Variants in MRPS14 observed in about 807,000 individuals in gnomAD.
MRPS14 encodes small ribosomal subunit protein uS14m.
A neutral mutation model predicts 16.4 loss-of-function variants in MRPS14; 14 were observed. The ratio of observed to expected loss-of-function variants is 0.85; its 90% CI spans 0.56 to 1.33. The LOEUF is 1.33. Among genes scored for constraint, MRPS14 ranks in the 40% most tolerant of loss-of-function variants. The probability of loss-of-function intolerance (pLI) is 0.00; values close to 1 mark genes in which losing one functional copy is unlikely to be tolerated. For missense variants in MRPS14, 162 were observed against 176.8 expected (o/e 0.92, Z 0.48); for synonymous variants, 54 against 61.9 (o/e 0.87, Z 0.60).
intron 1 of MRPS14, among the ~76,000 whole-genome samples, chr1:175,019,163 C>G (rs1171667706): frequency 2.0e-5 from 3 of 152,124 alleles, no homozygotes; most frequent in African/African-American, 7.2e-5. Flanking sequence ...CATAATTTAA[C>G]CTGCCACGTA....
intron 2 of MRPS14, among the ~76,000 whole-genome samples, chr1:175,015,885 GAACT>G (rs1416296460): frequency 2.0e-5 from 3 of 152,146 alleles, no homozygotes; most frequent in African/African-American, 7.2e-5. Flanking sequence ...TTACCATTAT[GAACT>G]AACAGAATTA....
chr1:175,021,202 C>G (rs933606238), intron 1 of MRPS14, among the ~76,000 whole-genome samples: 5 of 152,132 alleles, frequency 3.3e-5, no homozygotes, highest in African/African-American at 9.7e-5. Flanking sequence ...GGGCTTACTA[C>G]CTTCCACTCC....
Position 175,013,204 on chromosome 1 carries a change from T to G in MRPS14, c.*1465A>C, listed in dbSNP as rs1672812479. 6.6e-6 allele frequency: 1 copy of G among 152,192 alleles called. No individual in the cohort carries two copies. Among genetic ancestry groups the G allele is most frequent in the Non-Finnish European group, 1.5e-5 (1 of 68,036 alleles). The allele number at this position is 152,192 out of a possible 1,614,324, so 9.4% of individuals were successfully genotyped here. ...GTGATAATTCCCTCATAACTTCACC[T>G]CCACCTGAGTTTCGGACTCTGCTAT... On this transcript the variant is annotated 3_prime_UTR_variant, in exon 3 of 3. Transcript: ENST00000476371.
rs990763738 is a variant in MRPS14, at chr1:175,014,734, G to A, written c.322C>T (p.Arg108Cys). The A allele has an allele frequency of 1.2e-6, 2 of 1,613,940 alleles. No individual in the cohort carries two copies. Among genetic ancestry groups the A allele is most frequent in the Non-Finnish European group, 1.7e-6 (2 of 1,180,018 alleles). Residue 108 changes from arginine (R) to cysteine (C), a missense_variant, in exon 3 of 3, where the codon CGT becomes TGT. Physicochemically the swap from Arg to Cys is radical, Grantham distance 180 (BLOSUM62 -3). Transcript: ENST00000476371. Reference sequence around the variant, plus strand: ...TCAGCTAAGTGACGGAAGACTATACGACTAAGCCTCCAGCGCCGCTTCACA... The same window carrying A: ...TCAGCTAAGTGACGGAAGACTATACAACTAAGCCTCCAGCGCCGCTTCACA... ...RGVKRRWRLS[R>C]IVFRHLADHG...
intron 2 of MRPS14, among the ~76,000 whole-genome samples, chr1:175,016,208 C>CA (rs903007703): frequency 3.4e-4 from 48 of 142,786 alleles, no homozygotes; most frequent in East Asian, 8.1e-4. Flanking sequence ...AAAAAAAAAA[C>CA]AAAAAAAAAC....
rs768620240 is a variant in MRPS14, at chr1:175,014,706, T to C, written c.350A>G (p.His117Arg). The C allele has an allele frequency of 7.4e-6, 12 of 1,613,234 alleles. No individual in the cohort carries two copies. Among genetic ancestry groups the C allele is most frequent in the African/African-American group, 1.3e-5 (1 of 74,852 alleles). Residue 117 changes from histidine to arginine, a missense_variant, in exon 3 of 3, where the codon CAT (histidine) becomes CGT (arginine). His to Arg is a conservative substitution (Grantham distance 29). Coordinates refer to ENST00000476371, the MANE Select transcript of MRPS14 (RefSeq NM_022100.3). ...SRIVFRHLADHGQLSGIQRAT... is the reference protein window; with the variant it reads ...SRIVFRHLADRGQLSGIQRAT... ...TCGCTGGATCCCAGAAAGTTGCCCA[T>C]GGTCAGCTAAGTGACGGAAGACTAT...
chr1:175,018,865 T>A (rs1210954515), intron 1 of MRPS14, among the ~76,000 whole-genome samples: 6 of 152,196 alleles, frequency 3.9e-5, no homozygotes, highest in South Asian at 2.1e-4. Context: ...TGACCTGTAC[T>A]TAGGCCAATA....
chr1:175,018,644 G>C (rs1319463562), intron 1 of MRPS14, 68 bp from the exon 2 acceptor site: 1 of 1,368,324 alleles, frequency 7.3e-7, no homozygotes, highest in Non-Finnish European at 9.8e-7. Context: ...CCTCAACCCT[G>C]CAATTCTCTT....
At chr1:175,023,279 T>A in intron 1 of MRPS14, 85 bp downstream of exon 1, 1 of 1,575,718 alleles carries the variant, frequency 6.3e-7, no homozygotes, top group Non-Finnish European at 8.6e-7. Context: ...CACCGAGCAC[T>A]ACAGGTGGCA....
intron 1 of MRPS14, among the ~76,000 whole-genome samples, chr1:175,020,740 G>A (rs1168582942): frequency 2.6e-5 from 4 of 152,020 alleles, no homozygotes; most frequent in East Asian, 1.9e-4. Context: ...AAATCCCAAA[G>A]TAATACACTT....
At chr1:175,020,200 A>G (rs1672953215) in intron 1 of MRPS14, among the ~76,000 whole-genome samples, 1 of 152,208 alleles carries the variant, frequency 6.6e-6, no homozygotes, top group Non-Finnish European at 1.5e-5. Context: ...AATTTTGACT[A>G]AAGTGGGGAC....
chr1:175,014,938 CTTTT>C (rs1171275241), intron 2 of MRPS14, 87 bp from the exon 3 acceptor site: 203 of 625,258 alleles, frequency 3.2e-4, no homozygotes, highest in East Asian at 7.6e-4. Flanking sequence ...ATTTTCTTTT[CTTTT>C]TTTTTTTTTT....
At chr1:175,015,193 C>T (rs955423356) in intron 2 of MRPS14, among the ~76,000 whole-genome samples, 4 of 152,156 alleles carry the variant, frequency 2.6e-5, no homozygotes, top group East Asian at 1.9e-4. Context: ...TGGCAATCCG[C>T]CCATCTCTGC....
chr1:175,014,682 C>A lies in MRPS14; in HGVS notation c.374G>T (p.Arg125Leu). 1 of 1,610,802 alleles carries A rather than the reference C, an allele frequency of 6.2e-7. No individual in the cohort carries two copies. The highest frequency in any genetic ancestry group is 1.1e-5 in the South Asian group (1 of 90,882). ...TCTGGAGCTCATTTACCATGTCGCT[C>A]GCTGGATCCCAGAAAGTTGCCCATG... ...ADHGQLSGIQRATW is the reference protein window; with the variant it reads ...ADHGQLSGIQLATW The change falls in exon 3 of 3, where the codon CGA becomes CTA. Residue 125 changes from arginine (R) to leucine (L), a missense_variant. Coordinates refer to ENST00000476371, the MANE Select transcript of MRPS14 (RefSeq NM_022100.3).
chr1:175,014,736 C>G lies in MRPS14; in HGVS notation c.320G>C (p.Ser107Thr), dbSNP rs1242260177. Residue 107 changes from serine to threonine, a missense_variant, in exon 3 of 3, where the codon AGT (serine) becomes ACT (threonine). Ser to Thr is a moderately conservative substitution (Grantham distance 58). Transcript: ENST00000476371. ...AGCTAAGTGACGGAAGACTATACGACTAAGCCTCCAGCGCCGCTTCACACC... is the reference window on the plus strand; with the variant it reads ...AGCTAAGTGACGGAAGACTATACGAGTAAGCCTCCAGCGCCGCTTCACACC... Reference protein sequence around the residue: ...PRGVKRRWRLSRIVFRHLADH... With the variant: ...PRGVKRRWRLTRIVFRHLADH... 1 of 1,614,146 alleles carries G rather than the reference C, an allele frequency of 6.2e-7. No homozygotes were observed. Among genetic ancestry groups the G allele is most frequent in the Non-Finnish European group, 8.5e-7 (1 of 1,180,024 alleles).
chr1:175,020,527 AG>A (rs1672962590), intron 1 of MRPS14, among the ~76,000 whole-genome samples: 1 of 150,976 alleles, frequency 6.6e-6, no homozygotes, highest in Non-Finnish European at 1.5e-5. Context: ...CCTTTTTTTG[AG>A]ACGGAGTTTT....
In MRPS14 at chr1:175,014,518, T is replaced by C. The variant is rs529221385; in HGVS notation, c.*151A>G. 6.0e-6 allele frequency: 4 copies of C among 661,400 alleles called. No individual in the cohort carries two copies. The Admixed American group carries it at 1.4e-4, about 23-fold the overall frequency. 41.0% of individuals were successfully genotyped at this position (661,400 alleles called of 1,614,324 possible). On this transcript the variant is annotated 3_prime_UTR_variant, in exon 3 of 3. Coordinates refer to ENST00000476371, the MANE Select transcript of MRPS14 (RefSeq NM_022100.3). ...GACATGAAACACCCAAATGTCTTCA[T>C]TTTAAAAGTAGTTTAGAGATAGCAT...
At chr1:175,022,974 A>T (rs988484569) in intron 1 of MRPS14, among the ~76,000 whole-genome samples, 3 of 152,038 alleles carry the variant, frequency 2.0e-5, no homozygotes, top group Non-Finnish European at 4.4e-5. Context: ...AAATTCTGTC[A>T]TCCTTTGCTT....
chr1:175,019,258 A>G (rs866211470), intron 1 of MRPS14, among the ~76,000 whole-genome samples: 16 of 152,224 alleles, frequency 1.1e-4, no homozygotes, highest in Middle Eastern at 6.8e-3. Context: ...GTATTCCTAT[A>G]TATCTTGAAG....
Sources: allele counts gnomAD v4.1 joint callset (sites outside exome capture counted in the v4.1 genomes callset), GRCh38; gene constraint gnomAD v4.1.1; transcripts MANE v1.5; gene names NCBI Gene and HGNC (gene_info 2026-07-23, HGNC 2026-07-21).